Variants in STAB2 observed in about 807,000 individuals in gnomAD.
The protein encoded by STAB2 is stabilin-2.
Under a neutral mutation model 338.1 loss-of-function variants are expected in STAB2, and 288 were observed. The ratio of observed to expected loss-of-function variants is 0.85; its 90% CI spans 0.77 to 0.94. The LOEUF is 0.94. Ranked by LOEUF, STAB2 falls within the 40% of genes least tolerant of loss-of-function variation. STAB2 has a pLI of 0.00. For missense variants in STAB2, 3,141 were observed against 3,210.1 expected, an observed-to-expected ratio of 0.98 and a Z score of 0.52; for synonymous variants, 1,202 against 1,193.3, an observed-to-expected ratio of 1.01 and a Z score of -0.15.
intron 25 of STAB2, among the ~76,000 whole-genome samples, chr12:103,679,715 C>G (rs929865832): frequency 6.6e-6 from 1 of 152,116 alleles, no homozygotes; most frequent in African/African-American, 2.4e-5. Flanking sequence ...GAAAACAGCA[C>G]AGCAATTCCC....
In STAB2 at chr12:103,711,493, T is replaced by A. The variant is rs939146904; in HGVS notation, c.4311T>A (p.Asn1437Lys). ...CAGCAACCACAGAAGACAACTGCAA[T>A]GGGACATGCCATACCAGCGCCAAGT... ...CDNATTEDNC[N>K]GTCHTSANCL... Residue 1437 changes from asparagine to lysine, a missense_variant, in exon 40 of 69, where the codon AAT becomes AAA. By Grantham distance (94) the Asn-to-Lys change is moderately conservative (BLOSUM62 0). Transcript: ENST00000388887. 5.0e-6 allele frequency: 8 copies of A among 1,613,936 alleles called. No individual in the cohort carries two copies. In the African/African-American group the frequency reaches 9.3e-5, roughly 19 times the overall value.
chr12:103,699,555 CGAGAACAGCAT>C lies in STAB2; in HGVS notation c.3714+334_3714+344del, dbSNP rs148442812. On this transcript the variant is annotated intron_variant, in intron 34 of 68. Transcript: ENST00000388887. ...ATCTCATGAGACTTATTCACTATCA[CGAGAACAGCAT>C]GAGAAAGACCTGCCCCCATGATTAA... Among the ~76,000 whole-genome samples the C allele has an allele frequency of 8.4e-4, 128 of 152,236 alleles. 1 individual carries two copies. Among genetic ancestry groups the C allele is most frequent in the African/African-American group, 3.0e-3 (123 of 41,548 alleles).
chr12:103,723,356 C>T (rs528911647), intron 44 of STAB2, among the ~76,000 whole-genome samples: 38 of 152,260 alleles, frequency 2.5e-4, no homozygotes, highest in Admixed American at 1.2e-3. Flanking sequence ...GGAGCTTGTG[C>T]AGGGAAACTC....
chr12:103,757,749 G>A (rs1238147402), intron 63 of STAB2, among the ~76,000 whole-genome samples: 1 of 152,212 alleles, frequency 6.6e-6, no homozygotes, highest in East Asian at 1.9e-4. Flanking sequence ...CATATGGCTG[G>A]AACAGAGTGA....
chr12:103,688,363 C>A, intron 28 of STAB2, 148 bp downstream of exon 28: 1 of 744,884 alleles, frequency 1.3e-6, no homozygotes, highest in Non-Finnish European at 2.3e-6. Flanking sequence ...CACTGTGGAA[C>A]CACATGGAAC....
chr12:103,631,207 T>C (rs11111687), intron 5 of STAB2, among the ~76,000 whole-genome samples: 11,356 of 152,258 alleles, frequency 0.075, 445 homozygotes, highest in African/African-American at 0.095. Context: ...TATATAGATA[T>C]CTGCTACCAA....
chr12:103,709,033 G>A (rs1222696415), intron 39 of STAB2, among the ~76,000 whole-genome samples: 1 of 152,174 alleles, frequency 6.6e-6, no homozygotes, highest in Non-Finnish European at 1.5e-5. Flanking sequence ...TGAGTCAGGG[G>A]ATGGCACTCT....
chr12:103,746,960 T>C (rs1283035897), intron 58 of STAB2, among the ~76,000 whole-genome samples: 4 of 149,540 alleles, frequency 2.7e-5, no homozygotes, highest in Admixed American at 6.6e-5. Context: ...TTTTTTTTTT[T>C]TTTTTTTTTT....
intron 52 of STAB2, among the ~76,000 whole-genome samples, chr12:103,736,362 G>A (rs1421379438): frequency 6.6e-6 from 1 of 152,184 alleles, no homozygotes; most frequent in Non-Finnish European, 1.5e-5. Flanking sequence ...CTTCAAGGAG[G>A]ATTCCAACAA....
chr12:103,690,021 G>A, intron 29 of STAB2, 39 bp downstream of exon 29: 1 of 1,600,898 alleles, frequency 6.2e-7, no homozygotes, highest in Non-Finnish European at 8.5e-7. Context: ...GTATCTGAAT[G>A]GCATCTGTGT....
At position 103,587,482 on chromosome 12, in the gene STAB2, G is replaced by T. The variant is rs1402732219; in HGVS notation, c.6G>T (p.Met2Ile). 2 of 1,613,462 alleles carry T rather than the reference G, an allele frequency of 1.2e-6. No individual in the cohort carries two copies. Among genetic ancestry groups the T allele is most frequent in the Admixed American group, 1.7e-5 (1 of 59,994 alleles). The change falls in exon 1 of 69, where the codon ATG (methionine) becomes ATT (isoleucine). Residue 2 changes from methionine (M) to isoleucine (I), a missense_variant. Coordinates refer to ENST00000388887, the MANE Select transcript of STAB2 (RefSeq NM_017564.10). M[M>I]LQHLVIFCLG... ...GAAGGAGCAAATATTTCCTCATGAT[G>T]CTACAACATTTAGTAATTTTTTGTC...
intron 25 of STAB2, among the ~76,000 whole-genome samples, chr12:103,677,890 C>A (rs1162801659): frequency 6.6e-6 from 1 of 152,234 alleles, no homozygotes; most frequent in African/African-American, 2.4e-5. Flanking sequence ...GGGCCGCCCT[C>A]TTAGTCACCA....
intron 5 of STAB2, among the ~76,000 whole-genome samples, chr12:103,625,945 C>T (rs1373017118): frequency 6.6e-6 from 1 of 152,182 alleles, no homozygotes; most frequent in African/African-American, 2.4e-5. Context: ...CTGACTTCCA[C>T]AATGGTTGAA....
intron 4 of STAB2, among the ~76,000 whole-genome samples, chr12:103,620,806 A>G (rs1322910105): frequency 2.6e-5 from 4 of 152,230 alleles, no homozygotes; most frequent in African/African-American, 9.6e-5. Context: ...ACTTGTAAAA[A>G]TGGGTTTGAG....
At chr12:103,628,186 A>T (rs947881345) in intron 5 of STAB2, among the ~76,000 whole-genome samples, 1 of 152,218 alleles carries the variant, frequency 6.6e-6, no homozygotes, top group African/African-American at 2.4e-5. Flanking sequence ...GACACTGCAA[A>T]TCCAATTTAA....
intron 3 of STAB2, among the ~76,000 whole-genome samples, chr12:103,607,621 G>A (rs148339246): frequency 0.044 from 6,726 of 151,696 alleles, 168 homozygotes; most frequent in South Asian, 0.072. Context: ...ACACCTATGA[G>A]TGAGAACATG....
intron 31 of STAB2, among the ~76,000 whole-genome samples, chr12:103,693,425 A>C (rs769011912): frequency 3.3e-5 from 5 of 152,080 alleles, no homozygotes; most frequent in African/African-American, 4.8e-5. Context: ...CAACAGAGCG[A>C]GACTGTCTCA....
At chr12:103,715,912 C>A (rs374984891) in intron 43 of STAB2, 24 bp downstream of exon 43, 2 of 1,612,946 alleles carry the variant, frequency 1.2e-6, no homozygotes, top group African/African-American at 2.7e-5. Context: ...CTCCCAGGCC[C>A]TTAGGTTTCC....
chr12:103,765,003 G>A (rs1053156292), intron 68 of STAB2, among the ~76,000 whole-genome samples: 10 of 144,550 alleles, frequency 6.9e-5, no homozygotes, highest in African/African-American at 1.0e-4. Context: ...CAACAGAATC[G>A]CTTGAACTGG....
Sources: gnomAD v4.1 joint callset for allele counts (sites outside exome capture counted in the v4.1 genomes callset) on GRCh38, gnomAD v4.1.1 for gene constraint, MANE v1.5 for transcripts, NCBI Gene and HGNC (gene_info 2026-07-23, HGNC 2026-07-21) for gene names.